The following RIMKLA variants were observed in gnomAD, a reference collection of about 807,000 sequenced individuals.
RIMKLA encodes ribosomal modification protein rimK like family member A.
RIMKLA carries 14 observed loss-of-function variants against 32.7 expected under a neutral mutation model. The ratio of observed to expected loss-of-function variants is 0.43; its 90% CI spans 0.28 to 0.67. The LOEUF is 0.67. Ranked by LOEUF, RIMKLA falls within the 30% of genes least tolerant of loss-of-function variation. RIMKLA has a pLI of 0.18. For missense variants in RIMKLA, 410 were observed against 519.0 expected, an observed-to-expected ratio of 0.79 and a Z score of 2.04; for synonymous variants, 176 against 204.1, an observed-to-expected ratio of 0.86 and a Z score of 1.18.
rs1220305460 is a variant in RIMKLA at position 42,423,735 on chromosome 1, T to C, written c.*8761T>C. Among the ~76,000 whole-genome samples, 1 of 152,224 alleles carries C rather than the reference T, an allele frequency of 6.6e-6. No individual in the cohort carries two copies. Among genetic ancestry groups the C allele is most frequent in the African/African-American group, 2.4e-5 (1 of 41,464 alleles). On this transcript the variant is annotated 3_prime_UTR_variant, in exon 5 of 5. Coordinates refer to ENST00000431473, the MANE Select transcript of RIMKLA (RefSeq NM_173642.4). Reference sequence around the variant, plus strand: ...GGTGTCCCTCTAGGACTCTCCCAGCTTCATGCTGCTGGCACCCACTTGTCT... The same window carrying C: ...GGTGTCCCTCTAGGACTCTCCCAGCCTCATGCTGCTGGCACCCACTTGTCT...
intron 1 of RIMKLA, chr1:42,396,339 C>G (rs1643047617): frequency 6.6e-6 from 1 of 151,938 alleles, no homozygotes; most frequent in African/African-American, 2.4e-5. Context: ...ATGTCCCTCT[C>G]TGCACAGGCC....
chr1:42,381,009 C>T lies in RIMKLA; in HGVS notation c.75C>T (p.Ala25=). The stretch of plus-strand genomic sequence containing the variant: ...ACCCGCAGGTGCAGATCCTGCGCGC[C>T]CTCCGGCAGCGCTGCTCCGAGCAGG... ...EDYPQVQILR[A]LRQRCSEQDV... is the part of the protein sequence containing the mutation. Residue 25 remains alanine (A), a synonymous_variant, in exon 1 of 5, where the codon GCC becomes GCT. Transcript: ENST00000431473. The T allele has an allele frequency of 1.4e-6, 2 of 1,432,438 alleles. No individual in the cohort carries two copies. The highest frequency in any genetic ancestry group is 1.8e-6 in the Non-Finnish European group (2 of 1,092,000). 88.7% of individuals were successfully genotyped at this position (1,432,438 alleles called of 1,614,324 possible). A position where few individuals can be genotyped will look rare whatever the true frequency, so the allele number is the denominator to read the frequency against.
intron 1 of RIMKLA, 100 bp downstream of exon 1, chr1:42,381,197 T>G: frequency 1.1e-6 from 1 of 930,786 alleles, no homozygotes; most frequent in Non-Finnish European, 1.4e-6. Flanking sequence ...CAGAGTCTCC[T>G]TCGGGCCCGC....
chr1:42,382,791 T>C (rs1364280083), intron 1 of RIMKLA, among the ~76,000 whole-genome samples: 1 of 152,182 alleles, frequency 6.6e-6, no homozygotes, highest in Non-Finnish European at 1.5e-5. Flanking sequence ...CCCTTTTGTT[T>C]AGTGTCTTAA....
rs552856113 is a variant in RIMKLA at position 42,423,866 on chromosome 1, C to T, written c.*8892C>T. ...CAAAAATGATCGCTCTTCCACTAAC[C>T]TTAGGTCTACTGTACTCTTGGTGAA... On this transcript the variant is annotated 3_prime_UTR_variant, in exon 5 of 5. Transcript: ENST00000431473. Among the ~76,000 whole-genome samples, 8 of 152,322 alleles carry T rather than the reference C, an allele frequency of 5.3e-5. No individual in the cohort carries two copies. In the East Asian group the frequency reaches 1.5e-3, roughly 29 times the overall value.
chr1:42,404,363 A>G (rs963172793), intron 2 of RIMKLA, 148 bp from the exon 3 acceptor site: 3 of 637,414 alleles, frequency 4.7e-6, no homozygotes, highest in Admixed American at 2.4e-5. Flanking sequence ...CAGGTATATA[A>G]TGTGTGTCTG....
At chr1:42,386,449 T>A (rs1295442669) in intron 1 of RIMKLA, among the ~76,000 whole-genome samples, 4 of 152,110 alleles carry the variant, frequency 2.6e-5, no homozygotes, top group Non-Finnish European at 5.9e-5. Flanking sequence ...CCCTGGCCAC[T>A]TTACCCATTG....
rs1643228909 is a variant in RIMKLA, at chr1:42,414,539, G to A, written c.741G>A (p.Gln247=). 1 of 1,614,096 alleles carries A rather than the reference G, an allele frequency of 6.2e-7. No homozygotes were observed. The highest frequency in any genetic ancestry group is 1.1e-5 in the South Asian group (1 of 91,084). The change falls in exon 5 of 5, where the codon CAG becomes CAA. Residue 247 remains glutamine (Q), a synonymous_variant. Transcript: ENST00000431473. ...LTEQGKQLAI[Q]VSNILGMDFC... ...AACAAGGCAAGCAGTTGGCTATTCA[G>A]GTGTCCAACATCCTAGGCATGGACT...
intron 1 of RIMKLA, among the ~76,000 whole-genome samples, chr1:42,386,341 A>C (rs1303694020): frequency 6.6e-6 from 1 of 151,862 alleles, no homozygotes; most frequent in Non-Finnish European, 1.5e-5. Flanking sequence ...TGTCATCTCC[A>C]CCCATCCACA....
intron 1 of RIMKLA, among the ~76,000 whole-genome samples, chr1:42,395,266 G>T (rs575301608): frequency 6.6e-6 from 1 of 151,966 alleles, no homozygotes; most frequent in Non-Finnish European, 1.5e-5. Context: ...TTTTAACTGG[G>T]TTGGCAGTTG....
At chr1:42,397,606 T>G (rs1643059249) in intron 1 of RIMKLA, among the ~76,000 whole-genome samples, 1 of 152,040 alleles carries the variant, frequency 6.6e-6, no homozygotes, top group Admixed American at 6.6e-5. Context: ...ACACTTGTAG[T>G]CCCAACTACT....
intron 1 of RIMKLA, among the ~76,000 whole-genome samples, chr1:42,382,252 C>T (rs11210627): frequency 0.4 from 60,310 of 151,960 alleles, 12,581 homozygotes; most frequent in Middle Eastern, 0.54. Flanking sequence ...TACATTTAAT[C>T]TACAACAATG....
intron 4 of RIMKLA, 122 bp downstream of exon 4, chr1:42,410,309 GAACA>G: frequency 1.3e-6 from 1 of 792,426 alleles, no homozygotes; most frequent in Non-Finnish European, 2.0e-6. Flanking sequence ...TGAGAATGAG[GAACA>G]AACTCTTTCC....
At position 42,410,130 on chromosome 1, in the gene RIMKLA, A is replaced by G. The variant is rs1643184770; in HGVS notation, c.628A>G (p.Ile210Val). Residue 210 changes from isoleucine (I) to valine (V), a missense_variant, in exon 4 of 5, where the codon ATA (isoleucine) becomes GTA (valine). Physicochemically the swap from Ile to Val is conservative, Grantham distance 29. Transcript: ENST00000431473. ...IRVVVVGGQV[I>V]GSMLRCSTDG... ...GGTGGTGGTGGTAGGGGGCCAGGTC[A>G]TAGGCTCTATGCTTCGCTGCTCCAC... 7 of 1,614,202 alleles carry G rather than the reference A, an allele frequency of 4.3e-6. No individual in the cohort carries two copies. The highest frequency in any genetic ancestry group is 5.9e-6 in the Non-Finnish European group (7 of 1,180,038).
chr1:42,402,512 T>G (rs1570324275), intron 2 of RIMKLA, among the ~76,000 whole-genome samples: 1 of 151,918 alleles, frequency 6.6e-6, no homozygotes, highest in African/African-American at 2.4e-5. Flanking sequence ...CCAAGGAATG[T>G]GGGTAGCCTC....
intron 1 of RIMKLA, among the ~76,000 whole-genome samples, chr1:42,393,296 AAT>A (rs1292128469): frequency 6.6e-6 from 1 of 152,218 alleles, no homozygotes; most frequent in African/African-American, 2.4e-5. Context: ...TCCCTGAATG[AAT>A]ATGTGAAACA....
rs375561775 is a variant in RIMKLA, at chr1:42,409,249, A to C, written c.482-735A>C. Reference sequence around the variant, plus strand: ...AAAAAAAAGCTGATGCTAAATAATTACAAAAGTGTAGGCAATTTGAACAGA... The same window carrying C: ...AAAAAAAAGCTGATGCTAAATAATTCCAAAAGTGTAGGCAATTTGAACAGA... On this transcript the variant is annotated intron_variant, in intron 3 of 4. Transcript: ENST00000431473. 5.6e-4 allele frequency among the ~76,000 whole-genome samples: 84 copies of C among 151,282 alleles called. 1 individual carries two copies. The South Asian group carries it at 0.017, about 31-fold the overall frequency.
Position 42,422,993 on chromosome 1 carries a change from C to T in RIMKLA, c.*8019C>T, listed in dbSNP as rs182997392. ...TCAGGGGATTGAAAGAATCTGTGTA[C>T]TCACCAGAAGAACTCTGACAGGTCA... On this transcript the variant is annotated 3_prime_UTR_variant, in exon 5 of 5. Transcript: ENST00000431473. 4.1e-4 allele frequency among the ~76,000 whole-genome samples: 63 copies of T among 152,260 alleles called. No homozygotes were observed. The highest frequency in any genetic ancestry group is 1.3e-3 in the African/African-American group (55 of 41,550).
chr1:42,400,502 C>G (rs1643088151), intron 2 of RIMKLA, among the ~76,000 whole-genome samples: 2 of 152,130 alleles, frequency 1.3e-5, no homozygotes, highest in South Asian at 2.1e-4. Context: ...TGAACAGATT[C>G]AGGAATTGTG....
Sources: allele counts gnomAD v4.1 joint callset (sites outside exome capture counted in the v4.1 genomes callset), GRCh38; gene constraint gnomAD v4.1.1; transcripts MANE v1.5; gene names NCBI Gene and HGNC (gene_info 2026-07-23, HGNC 2026-07-21).